TNFRSF11A: variants seen among roughly 807,000 people sequenced by gnomAD.
The protein encoded by TNFRSF11A is TNF receptor superfamily member 11a.
In TNFRSF11A, 32 loss-of-function variants were observed where a neutral mutation model predicts 55.7. That is an observed-to-expected ratio of 0.57 (90% CI 0.43 to 0.77). The LOEUF is 0.77. Among genes scored for constraint, TNFRSF11A ranks in the 30% least tolerant of loss-of-function variants. The probability of loss-of-function intolerance (pLI) is 0.00; values close to 1 mark genes in which losing one functional copy is unlikely to be tolerated. For synonymous variants in TNFRSF11A, 311 were observed against 331.0 expected (o/e 0.94, Z 0.65); for missense variants, 753 against 809.8 (o/e 0.93, Z 0.85).
intron 1 of TNFRSF11A, among the ~76,000 whole-genome samples, chr18:62,345,005 G>A (rs575728093): frequency 3.9e-5 from 6 of 152,344 alleles, no homozygotes; most frequent in South Asian, 4.1e-4. Flanking sequence ...GGCCTGCAGC[G>A]TCAAGGGGAC....
intron 1 of TNFRSF11A, among the ~76,000 whole-genome samples, chr18:62,331,567 C>G (rs73467618): frequency 0.046 from 7,054 of 152,224 alleles, 382 homozygotes; most frequent in African/African-American, 0.13. Context: ...CTAGAGATGT[C>G]TTGGAATGAG....
chr18:62,384,991 A>T lies in TNFRSF11A; in HGVS notation c.1808A>T (p.Lys603Met). 6.8e-7 allele frequency: 1 copy of T among 1,470,570 alleles called. No individual in the cohort carries two copies. Among genetic ancestry groups the T allele is most frequent in the Non-Finnish European group, 8.9e-7 (1 of 1,121,582 alleles). 91.1% of individuals were successfully genotyped at this position (1,470,570 alleles called of 1,614,324 possible). A position where few individuals can be genotyped will look rare whatever the true frequency, so the allele number is the denominator to read the frequency against. ...CCCGAGGGGCTGCGGGAGCCGGAGA[A>T]GGCCTCGAGGCCGGTGCAGGAGCAA... ...GGPEGLREPE[K>M]ASRPVQEQGG... The change falls in exon 10 of 10, where the codon AAG becomes ATG. Residue 603 changes from lysine (K) to methionine (M), a missense_variant. Physicochemically the swap from Lys to Met is moderately conservative, Grantham distance 95 (BLOSUM62 -1). Transcript: ENST00000586569.
At chr18:62,376,174 T>C (rs1910880125) in intron 9 of TNFRSF11A, among the ~76,000 whole-genome samples, 1 of 152,078 alleles carries the variant, frequency 6.6e-6, no homozygotes, top group Non-Finnish European at 1.5e-5. Context: ...CCCCTGGTTA[T>C]GGTGAGACCC....
chr18:62,368,891 G>C lies in TNFRSF11A; in HGVS notation c.974G>C (p.Arg325Thr), dbSNP rs747910982. Reference protein sequence around the residue: ...GGPYAQGEDARMLSLVSKTEI... With the variant: ...GGPYAQGEDATMLSLVSKTEI... ...CCCTACGCACAAGGCGAAGATGCCA[G>C]GATGCTCTCATTGGTCAGCAAGACC... The change falls in exon 9 of 10, where the codon AGG (arginine) becomes ACG (threonine). Residue 325 changes from arginine to threonine, a missense_variant. Physicochemically the swap from Arg to Thr is moderately conservative, Grantham distance 71 (BLOSUM62 -1). Around this residue, in one of 3 missense-constraint regions of TNFRSF11A, gnomAD observed 567 missense variants for 596.7 expected, o/e 0.95. Coordinates refer to ENST00000586569, the MANE Select transcript of TNFRSF11A (RefSeq NM_003839.4). 2 of 1,614,270 alleles carry C rather than the reference G, an allele frequency of 1.2e-6. No homozygotes were observed. The highest frequency in any genetic ancestry group is 2.2e-5 in the South Asian group (2 of 91,092).
chr18:62,336,502 C>T (rs1300222116), intron 1 of TNFRSF11A: 3 of 152,232 alleles, frequency 2.0e-5, no homozygotes, highest in Non-Finnish European at 2.9e-5. Flanking sequence ...CGGGGGTGCA[C>T]TCTCAGAAGT....
Position 62,341,727 on chromosome 18 carries a change from G to C in TNFRSF11A, c.76-6441G>C, listed in dbSNP as rs117680830. ...GTTTGTGCAGTCTGGCCGTTTGCCA[G>C]TGCCACATCATGTATAGGAGTTCTC... On this transcript the variant is annotated intron_variant, in intron 1 of 9. Coordinates refer to ENST00000586569, the MANE Select transcript of TNFRSF11A (RefSeq NM_003839.4). 6.2e-3 allele frequency among the ~76,000 whole-genome samples: 940 copies of C among 151,952 alleles called. 32 individuals carry two copies. In the South Asian group the frequency reaches 0.089, roughly 14 times the overall value.
In TNFRSF11A at chr18:62,354,671, G is replaced by C. The variant is rs901489048; in HGVS notation, c.427+137G>C. 3 of 1,320,380 alleles carry C rather than the reference G, an allele frequency of 2.3e-6. No homozygotes were observed. In the Admixed American group the frequency reaches 6.3e-5, roughly 28 times the overall value. The allele number at this position is 1,320,380 out of a possible 1,614,324, so 81.8% of individuals were successfully genotyped here. On this transcript the variant is annotated intron_variant, in intron 4 of 9. Coordinates refer to ENST00000586569, the MANE Select transcript of TNFRSF11A (RefSeq NM_003839.4). ...AGGAACCTGAGGGATGGGGAAAGGT[G>C]GGGGCTGATTTTCCACGAGATACAG... is the stretch of plus-strand genomic sequence containing the variant.
At chr18:62,372,377 C>T (rs1910613448) in intron 9 of TNFRSF11A, among the ~76,000 whole-genome samples, 1 of 152,056 alleles carries the variant, frequency 6.6e-6, no homozygotes, top group Non-Finnish European at 1.5e-5. Context: ...ACCATAACTG[C>T]TTATGATTAA....
intron 3 of TNFRSF11A, among the ~76,000 whole-genome samples, chr18:62,351,519 T>C (rs145999173): frequency 2.4e-4 from 37 of 152,354 alleles, no homozygotes; most frequent in African/African-American, 6.7e-4. Context: ...ATGTGTTTCC[T>C]TTAAGGGCTG....
intron 1 of TNFRSF11A, among the ~76,000 whole-genome samples, chr18:62,346,820 C>T (rs1568478131): frequency 2.0e-5 from 3 of 152,160 alleles, no homozygotes; most frequent in South Asian, 2.1e-4. Context: ...ATTATCTCTG[C>T]GCCCTCCATC....
chr18:62,378,864 T>C (rs1460312584), intron 9 of TNFRSF11A, among the ~76,000 whole-genome samples: 2 of 152,218 alleles, frequency 1.3e-5, no homozygotes, highest in Non-Finnish European at 2.9e-5. Context: ...TCCTATTCTC[T>C]GCCCCACATT....
chr18:62,379,654 T>C (rs1013645199), intron 9 of TNFRSF11A, among the ~76,000 whole-genome samples: 2 of 152,216 alleles, frequency 1.3e-5, no homozygotes, highest in Non-Finnish European at 2.9e-5. Context: ...CTTTTGGTTC[T>C]CTTTCCACGT....
chr18:62,373,557 C>T (rs923330103), intron 9 of TNFRSF11A, among the ~76,000 whole-genome samples: 7 of 152,204 alleles, frequency 4.6e-5, no homozygotes, highest in African/African-American at 1.7e-4. Flanking sequence ...TTCATTCATC[C>T]ATTCAGGAAT....
At chr18:62,329,077 A>G (rs1462959412) in intron 1 of TNFRSF11A, among the ~76,000 whole-genome samples, 5 of 152,200 alleles carry the variant, frequency 3.3e-5, no homozygotes, top group Non-Finnish European at 5.9e-5. Flanking sequence ...TGCCATGTCA[A>G]TATTAAAATT....
intron 1 of TNFRSF11A, chr18:62,336,625 G>C (rs77048444): frequency 1.3e-5 from 2 of 152,234 alleles, no homozygotes; most frequent in Non-Finnish European, 1.5e-5. Flanking sequence ...ATGTAAAAAG[G>C]CTTTCACACT....
intron 9 of TNFRSF11A, among the ~76,000 whole-genome samples, chr18:62,371,336 G>T (rs1461587348): frequency 6.6e-6 from 1 of 152,146 alleles, no homozygotes; most frequent in African/African-American, 2.4e-5. Context: ...GCAGTTCTTG[G>T]AAGAACAGTG....
At chr18:62,346,279 G>A (rs981035479) in intron 1 of TNFRSF11A, among the ~76,000 whole-genome samples, 2 of 152,120 alleles carry the variant, frequency 1.3e-5, no homozygotes, top group African/African-American at 4.8e-5. Context: ...CCTTAGGCTC[G>A]GATGAATCCA....
At chr18:62,369,763 A>G (rs960367847) in intron 9 of TNFRSF11A, among the ~76,000 whole-genome samples, 6 of 152,220 alleles carry the variant, frequency 3.9e-5, no homozygotes, top group Admixed American at 3.9e-4. Context: ...TTTTCATGAT[A>G]GGATTAGACC....
intron 1 of TNFRSF11A, among the ~76,000 whole-genome samples, chr18:62,341,695 C>A (rs569715811): frequency 6.6e-6 from 1 of 152,160 alleles, no homozygotes; most frequent in Non-Finnish European, 1.5e-5. Flanking sequence ...GGAGGCAGAA[C>A]CTTTGTGTTT....
Sources: gnomAD v4.1 joint callset for allele counts (sites outside exome capture counted in the v4.1 genomes callset) on GRCh38, gnomAD v4.1.1 for gene constraint, gnomAD v4.1.1 regional missense constraint, MANE v1.5 for transcripts, NCBI Gene and HGNC (gene_info 2026-07-23, HGNC 2026-07-21) for gene names.